Variants in PRDM13 observed in about 807,000 individuals in gnomAD.
The protein encoded by PRDM13 is PR/SET domain 13.
In PRDM13, 15 loss-of-function variants were observed where a neutral mutation model predicts 36.4. The ratio of observed to expected loss-of-function variants is 0.41; its 90% CI spans 0.28 to 0.64. The LOEUF (loss-of-function observed/expected upper bound fraction) is 0.64. Among genes scored for constraint, PRDM13 ranks in the 30% least tolerant of loss-of-function variants. The pLI is 0.29. For synonymous variants in PRDM13, 531 were observed against 467.7 expected (o/e 1.14, Z -1.75); for missense variants, 1,044 against 1,013.5 (o/e 1.03, Z -0.41).
At position 99,607,005 on chromosome 6, in the gene PRDM13, C is replaced by A; in HGVS notation, c.-30C>A. 1 of 1,592,820 alleles carries A rather than the reference C, an allele frequency of 6.3e-7. No individual in the cohort carries two copies. Among genetic ancestry groups the A allele is most frequent in the Non-Finnish European group, 8.5e-7 (1 of 1,169,722 alleles). On this transcript the variant is annotated 5_prime_UTR_variant, in exon 1 of 4. Coordinates refer to ENST00000369215, the MANE Select transcript of PRDM13 (RefSeq NM_021620.4). Reference sequence around the variant, plus strand: ...GCGCCCTTCCAAGGACCTGGAGCACCCGAGCGCCTGCCTGGTGGCGGCGGC... The same window carrying A: ...GCGCCCTTCCAAGGACCTGGAGCACACGAGCGCCTGCCTGGTGGCGGCGGC...
chr6:99,614,685 A>T lies in PRDM13; in HGVS notation c.2050A>T (p.Ser684Cys). ...GCCTGGGGATCCCAAGAGCGACGAC[A>T]GTGACGTGGACGTCTGCTTCACAGA... Reference protein sequence around the residue: ...PEPGDPKSDDSDVDVCFTDDQ... With the variant: ...PEPGDPKSDDCDVDVCFTDDQ... The change falls in exon 4 of 4, where the codon AGT becomes TGT. Residue 684 changes from serine (S) to cysteine (C), a missense_variant. Physicochemically the swap from Ser to Cys is moderately radical, Grantham distance 112 (BLOSUM62 -1). Transcript: ENST00000369215. 6.2e-7 allele frequency: 1 copy of T among 1,610,704 alleles called. No individual in the cohort carries two copies. Among genetic ancestry groups the T allele is most frequent in the African/African-American group, 1.3e-5 (1 of 74,954 alleles).
At position 99,606,930 on chromosome 6, in the gene PRDM13, A is replaced by T; in HGVS notation, c.-105A>T. On this transcript the variant is annotated 5_prime_UTR_variant, in exon 1 of 4. Transcript: ENST00000369215. ...GCGTCACTCCGCGGGCGGAGGACGC[A>T]CGTCGGGGCGCGGCTCTCTGGCTAG... The T allele has an allele frequency of 7.2e-7, 1 of 1,387,970 alleles. No individual in the cohort carries two copies. Among genetic ancestry groups the T allele is most frequent in the Non-Finnish European group, 9.4e-7 (1 of 1,060,230 alleles). 86.0% of individuals were successfully genotyped at this position (1,387,970 alleles called of 1,614,324 possible). A position where few individuals can be genotyped will look rare whatever the true frequency, so the allele number is the denominator to read the frequency against.
chr6:99,612,902 C>A (rs563226959), intron 3 of PRDM13, 131 bp from the exon 4 acceptor site: 4 of 1,478,934 alleles, frequency 2.7e-6, no homozygotes, highest in Non-Finnish European at 3.6e-6. Flanking sequence ...GTAGGGCTAC[C>A]GAACTTATAT....
chr6:99,614,985 C>A lies in PRDM13; in HGVS notation c.*226C>A. The A allele has an allele frequency of 1.6e-6, 1 of 615,434 alleles. No homozygotes were observed. The highest frequency in any genetic ancestry group is 2.7e-6 in the Non-Finnish European group (1 of 367,748). 38.1% of individuals were successfully genotyped at this position (615,434 alleles called of 1,614,324 possible). A position where few individuals can be genotyped will look rare whatever the true frequency, so the allele number is the denominator to read the frequency against. Reference sequence around the variant, plus strand: ...TCTGGCCACCTGGAGAGCTCGAGTGCCACCAGTACCTCCGCACCCCGGGCC... The same window carrying A: ...TCTGGCCACCTGGAGAGCTCGAGTGACACCAGTACCTCCGCACCCCGGGCC... On this transcript the variant is annotated 3_prime_UTR_variant, in exon 4 of 4. Coordinates refer to ENST00000369215, the MANE Select transcript of PRDM13 (RefSeq NM_021620.4).
chr6:99,609,031 C>T (rs1358920972), intron 2 of PRDM13, among the ~76,000 whole-genome samples, 156 bp from the exon 3 acceptor site: 1 of 152,136 alleles, frequency 6.6e-6, no homozygotes, highest in Non-Finnish European at 1.5e-5. Flanking sequence ...TATTGTTTTT[C>T]CGTTTGAAGG....
Position 99,614,657 on chromosome 6 carries a change from G to C in PRDM13, c.2022G>C (p.Pro674=). Residue 674 remains proline, a synonymous_variant, in exon 4 of 4, where the codon CCG becomes CCC. Transcript: ENST00000369215. ...DGPGAEPGYP[P]EPGDPKSDDS... The stretch of plus-strand genomic sequence containing the variant: ...CGGGTGCCGAGCCCGGCTATCCCCC[G>C]GAGCCTGGGGATCCCAAGAGCGACG... The C allele has an allele frequency of 6.2e-7, 1 of 1,612,216 alleles. No individual in the cohort carries two copies. The highest frequency in any genetic ancestry group is 8.5e-7 in the Non-Finnish European group (1 of 1,179,698).
In PRDM13 at chr6:99,613,629, G is replaced by C. The variant is rs772185121; in HGVS notation, c.994G>C (p.Gly332Arg). Residue 332 changes from glycine (G) to arginine (R), a missense_variant, in exon 4 of 4, where the codon GGG (glycine) becomes CGG (arginine). Around this residue, in one of 3 missense-constraint regions of PRDM13, gnomAD observed 921 missense variants for 865.2 expected, o/e 1.06. Coordinates refer to ENST00000369215, the MANE Select transcript of PRDM13 (RefSeq NM_021620.4). The surrounding 1 kb of genome is among the most constrained non-coding windows in gnomAD (Gnocchi z 6.1). ...CCTCGCTTTGGGCAGGCTGCTGGGC[G>C]GGGGCCGGGCGTGCGGGCGCCCCGG... is the stretch of plus-strand genomic sequence containing the variant. ...AGLALGRLLGGGRACGRPGSG... is the reference protein window; with the variant it reads ...AGLALGRLLGRGRACGRPGSG... 6.9e-6 allele frequency: 10 copies of C among 1,453,886 alleles called. No homozygotes were observed. The highest frequency in any genetic ancestry group is 9.0e-6 in the Non-Finnish European group (10 of 1,116,090). 90.1% of individuals were successfully genotyped at this position (1,453,886 alleles called of 1,614,324 possible).
chr6:99,610,763 T>C (rs796742997), intron 3 of PRDM13, among the ~76,000 whole-genome samples: 8 of 152,350 alleles, frequency 5.3e-5, no homozygotes, highest in African/African-American at 1.9e-4. Flanking sequence ...TCTGCCACTA[T>C]AGAATTTGGC....
rs1373570813 is a variant in PRDM13 at position 99,607,235 on chromosome 6, G to A, written c.144+57G>A. The stretch of plus-strand genomic sequence containing the variant: ...ATTCGCCTCTCAGTGCCCTGACCCG[G>A]GAAAGGGGTACGAGAGAAAGTGGAG... On this transcript the variant is annotated intron_variant, in intron 1 of 3. Coordinates refer to ENST00000369215, the MANE Select transcript of PRDM13 (RefSeq NM_021620.4). The A allele has an allele frequency of 3.1e-5, 50 of 1,594,884 alleles. No homozygotes were observed. In the Admixed American group the frequency reaches 3.6e-4, roughly 11 times the overall value.
rs1410233988 is a variant in PRDM13, at chr6:99,613,546, C to T, written c.911C>T (p.Ala304Val). The T allele has an allele frequency of 4.7e-6, 7 of 1,496,456 alleles. No individual in the cohort carries two copies. The highest frequency in any genetic ancestry group is 4.4e-5 in the African/African-American group (3 of 68,582). 92.7% of individuals were successfully genotyped at this position (1,496,456 alleles called of 1,614,324 possible). A position where few individuals can be genotyped will look rare whatever the true frequency, so the allele number is the denominator to read the frequency against. Reference sequence around the variant, plus strand: ...AAGCCCGCCGGCCTAGCGAGGGCGGCGGCGGCCGCTCACGGCGACCCCTAC... The same window carrying T: ...AAGCCCGCCGGCCTAGCGAGGGCGGTGGCGGCCGCTCACGGCGACCCCTAC... ...AFKPAGLARAAAAAHGDPYRE... is the reference protein window; with the variant it reads ...AFKPAGLARAVAAAHGDPYRE... The change falls in exon 4 of 4, where the codon GCG becomes GTG. Residue 304 changes from alanine to valine, a missense_variant. Ala to Val is a moderately conservative substitution (Grantham distance 64). Coordinates refer to ENST00000369215, the MANE Select transcript of PRDM13 (RefSeq NM_021620.4). This position sits in a 1 kb window ranked among gnomAD's most constrained non-coding sequence, Gnocchi z 6.1.
Position 99,613,386 on chromosome 6 carries a change from G to C in PRDM13, c.751G>C (p.Gly251Arg), listed in dbSNP as rs1212804041. The C allele has an allele frequency of 1.1e-5, 17 of 1,554,168 alleles. No homozygotes were observed. The highest frequency in any genetic ancestry group is 1.4e-5 in the Non-Finnish European group (16 of 1,157,052). Residue 251 changes from glycine to arginine, a missense_variant, in exon 4 of 4, where the codon GGC becomes CGC. Around this residue, in one of 3 missense-constraint regions of PRDM13, gnomAD observed 921 missense variants for 865.2 expected, o/e 1.06. Transcript: ENST00000369215. This position sits in a 1 kb window ranked among gnomAD's most constrained non-coding sequence, Gnocchi z 6.1. ...TPGKWGQPKKGKEQLDRALDM... is the reference protein window; with the variant it reads ...TPGKWGQPKKRKEQLDRALDM... ...AGGCAAGTGGGGGCAGCCCAAGAAG[G>C]GCAAGGAGCAGCTGGACCGTGCCCT...
Position 99,614,248 on chromosome 6 carries a change from G to C in PRDM13, c.1613G>C (p.Arg538Pro), listed in dbSNP as rs750792897. 7.5e-6 allele frequency: 12 copies of C among 1,609,062 alleles called. No individual in the cohort carries two copies. The Admixed American group carries it at 1.8e-4, about 25-fold the overall frequency. Residue 538 changes from arginine to proline, a missense_variant, in exon 4 of 4, where the codon CGC becomes CCC. Physicochemically the swap from Arg to Pro is moderately radical, Grantham distance 103. Transcript: ENST00000369215. ...QLSEMAAGKG[R>P]GRLDSGTLPP... ...TCCGAGATGGCTGCCGGGAAGGGTC[G>C]CGGACGCCTGGACTCGGGGACGTTG...
rs1274254570 is a variant in PRDM13, at chr6:99,613,658, C to G, written c.1023C>G (p.Ser341Arg). ...GGGRACGRPGSGENSAAGGAG... is the reference protein window; with the variant it reads ...GGGRACGRPGRGENSAAGGAG... ...GCCGGGCGTGCGGGCGCCCCGGGAG[C>G]GGGGAGAACTCGGCGGCGGGCGGCG... The change falls in exon 4 of 4, where the codon AGC becomes AGG. Residue 341 changes from serine to arginine, a missense_variant. Transcript: ENST00000369215. This position sits in a 1 kb window ranked among gnomAD's most constrained non-coding sequence, Gnocchi z 6.1. The G allele has an allele frequency of 2.1e-6, 3 of 1,425,158 alleles. No individual in the cohort carries two copies. Among genetic ancestry groups the G allele is most frequent in the Non-Finnish European group, 2.7e-6 (3 of 1,105,036 alleles). The allele number at this position is 1,425,158 out of a possible 1,614,324, so 88.3% of individuals were successfully genotyped here. A position where few individuals can be genotyped will look rare whatever the true frequency, so the allele number is the denominator to read the frequency against.
At chr6:99,608,649 C>T (rs1769987203) in intron 1 of PRDM13, 92 bp from the exon 2 acceptor site, 10 of 1,493,118 alleles carry the variant, frequency 6.7e-6, no homozygotes, top group Admixed American at 4.4e-5. Context: ...CAACCACTTT[C>T]CTGTGTTGGG....
At chr6:99,607,511 C>T (rs1335672205) in intron 1 of PRDM13, among the ~76,000 whole-genome samples, 1 of 152,204 alleles carries the variant, frequency 6.6e-6, no homozygotes, top group Non-Finnish European at 1.5e-5. Context: ...CCCCCGCACG[C>T]TGTCCGCAGC....
intron 3 of PRDM13, among the ~76,000 whole-genome samples, chr6:99,611,973 T>C (rs1325438231): frequency 6.6e-6 from 1 of 152,188 alleles, no homozygotes; most frequent in African/African-American, 2.4e-5. Context: ...GATCAGAATG[T>C]CTCATATATG....
chr6:99,608,087 T>TCCAG (rs1769978134), intron 1 of PRDM13, among the ~76,000 whole-genome samples: 1 of 152,194 alleles, frequency 6.6e-6, no homozygotes, highest in Non-Finnish European at 1.5e-5. Context: ...AGCTCCGGTG[T>TCCAG]CCAGCCAGCG....
At position 99,613,879 on chromosome 6, in the gene PRDM13, T is replaced by G. The variant is rs915493708; in HGVS notation, c.1244T>G (p.Leu415Arg). ...CGCGCCCCGCCCGCAGCCGCCGCGC[T>G]GCCAGGAGCGCGTTATGCGCAGCTG... ...VERAPPAAAA[L>R]PGARYAQLPP... Residue 415 changes from leucine to arginine, a missense_variant, in exon 4 of 4, where the codon CTG (leucine) becomes CGG (arginine). Leu to Arg is a moderately radical substitution (Grantham distance 102). Coordinates refer to ENST00000369215, the MANE Select transcript of PRDM13 (RefSeq NM_021620.4). The surrounding 1 kb of genome is among the most constrained non-coding windows in gnomAD (Gnocchi z 6.1). 6.5e-7 allele frequency: 1 copy of G among 1,534,358 alleles called. No individual in the cohort carries two copies. The highest frequency in any genetic ancestry group is 2.6e-5 in the East Asian group (1 of 38,128).
At chr6:99,611,185 C>T (rs1422230912) in intron 3 of PRDM13, among the ~76,000 whole-genome samples, 2 of 152,112 alleles carry the variant, frequency 1.3e-5, no homozygotes, top group African/African-American at 4.8e-5. Context: ...ATAGGGATGG[C>T]TGCTATCCTC....
Sources: allele counts gnomAD v4.1 joint callset (sites outside exome capture counted in the v4.1 genomes callset), GRCh38; gene constraint gnomAD v4.1.1; regional missense constraint gnomAD v4.1.1; non-coding constraint Gnocchi (gnomAD v3.1); transcripts MANE v1.5; gene names NCBI Gene and HGNC (gene_info 2026-07-23, HGNC 2026-07-21).